Variants in CHN2 observed in about 807,000 individuals in gnomAD.
The protein encoded by CHN2 is chimerin 2.
In CHN2, 35 loss-of-function variants were observed where a neutral mutation model predicts 56.3. The observed-to-expected ratio is 0.62, with a 90% CI of 0.47 to 0.82. The LOEUF is 0.82. Ranked by LOEUF, CHN2 falls within the 40% of genes least tolerant of loss-of-function variation. The pLI, the probability that CHN2 is intolerant of heterozygous loss-of-function variation, is 0.00. For missense variants in CHN2, 491 were observed against 580.5 expected (o/e 0.85, Z 1.58); for synonymous variants, 210 against 212.8 (o/e 0.99, Z 0.12).
chr7:29,375,977 T>A (rs757429650), intron 3 of CHN2, among the ~76,000 whole-genome samples: 1 of 152,190 alleles, frequency 6.6e-6, no homozygotes, highest in Non-Finnish European at 1.5e-5. Flanking sequence ...CTGGTTAAAC[T>A]GTAACTGAGA....
At chr7:29,165,829 T>C (rs1176970801) in intron 2 of CHN2, among the ~76,000 whole-genome samples, 1 of 152,248 alleles carries the variant, frequency 6.6e-6, no homozygotes, top group Non-Finnish European at 1.5e-5. Flanking sequence ...TGTATTAATA[T>C]GGTGAATTAC....
intron 1 of CHN2, among the ~76,000 whole-genome samples, chr7:29,300,910 G>C (rs1240908320): frequency 6.6e-6 from 1 of 152,090 alleles, no homozygotes; most frequent in African/African-American, 2.4e-5. Context: ...GTTACCATGT[G>C]CAATATTTTT....
chr7:29,457,675 A>G (rs766281697), intron 6 of CHN2, among the ~76,000 whole-genome samples: 7 of 152,188 alleles, frequency 4.6e-5, no homozygotes, highest in Non-Finnish European at 8.8e-5. Context: ...TTAGCATTTA[A>G]ATGAGTATCA....
At chr7:29,361,655 A>AT (rs1450261141) in intron 2 of CHN2, among the ~76,000 whole-genome samples, 1 of 152,002 alleles carries the variant, frequency 6.6e-6, no homozygotes, top group African/African-American at 2.4e-5. Flanking sequence ...GAATTACCAA[A>AT]TTTTTCTTTG....
At chr7:29,303,152 C>G (rs1793836718) in intron 1 of CHN2, among the ~76,000 whole-genome samples, 1 of 152,184 alleles carries the variant, frequency 6.6e-6, no homozygotes, top group South Asian at 2.1e-4. Context: ...CATTCATCCC[C>G]CTAGTCATTG....
chr7:29,197,344 G>A (rs1783817781), intron 1 of CHN2, among the ~76,000 whole-genome samples: 1 of 152,112 alleles, frequency 6.6e-6, no homozygotes, highest in African/African-American at 2.4e-5. Context: ...TTTAATTCTG[G>A]CTTCATCACC....
chr7:29,253,570 A>G (rs769603952), intron 1 of CHN2, among the ~76,000 whole-genome samples: 7 of 152,228 alleles, frequency 4.6e-5, no homozygotes, highest in Admixed American at 3.3e-4. Flanking sequence ...AGCATCTGCT[A>G]TAAAAGGGAC....
intron 1 of CHN2, among the ~76,000 whole-genome samples, chr7:29,238,245 C>G (rs961539807): frequency 6.6e-6 from 1 of 152,026 alleles, no homozygotes; most frequent in Non-Finnish European, 1.5e-5. Flanking sequence ...GTCTTGATCT[C>G]CTGACCTCAG....
At chr7:29,401,058 G>A (rs556258453) in intron 6 of CHN2, 83 of 525,018 alleles carry the variant, frequency 1.6e-4, no homozygotes, top group African/African-American at 1.4e-3. Context: ...CACGAGGTCA[G>A]GAGATAGAGA....
At chr7:29,486,626 G>A (rs1788037765) in intron 7 of CHN2, among the ~76,000 whole-genome samples, 1 of 152,058 alleles carries the variant, frequency 6.6e-6, no homozygotes. Flanking sequence ...TAGGGGAAAT[G>A]GTTGCCCTAC....
At chr7:29,237,118 A>G (rs1787259268) in intron 1 of CHN2, among the ~76,000 whole-genome samples, 1 of 148,370 alleles carries the variant, frequency 6.7e-6, no homozygotes, top group South Asian at 2.1e-4. Flanking sequence ...CTGCCAACCA[A>G]TACCTAAGCT....
At chr7:29,400,391 CTG>C (rs1802104577) in intron 5 of CHN2, 150 bp from the exon 6 acceptor site, 6 of 707,092 alleles carry the variant, frequency 8.5e-6, no homozygotes, top group Admixed American at 5.6e-5. Context: ...CAAAGGGTCT[CTG>C]TGAGCGTTAG....
chr7:29,148,123 T>A (rs1793028128), intron 2 of CHN2, among the ~76,000 whole-genome samples: 1 of 152,178 alleles, frequency 6.6e-6, no homozygotes. Flanking sequence ...CATTAGCAGA[T>A]AACACTGCTG....
At chr7:29,214,544 C>A (rs140769122) in intron 1 of CHN2, among the ~76,000 whole-genome samples, 76 of 152,272 alleles carry the variant, frequency 5.0e-4, no homozygotes, top group African/African-American at 1.8e-3. Context: ...TATCCTCAGT[C>A]AATACTGTAA....
At chr7:29,444,936 G>A (rs73082405) in intron 6 of CHN2, among the ~76,000 whole-genome samples, 8,192 of 152,248 alleles carry the variant, frequency 0.054, 393 homozygotes, top group Non-Finnish European at 0.084. Context: ...ACTTTAGGAG[G>A]ATTACAAGAA....
intron 1 of CHN2, among the ~76,000 whole-genome samples, chr7:29,226,833 C>G (rs1443182797): frequency 6.6e-6 from 1 of 151,874 alleles, no homozygotes; most frequent in Non-Finnish European, 1.5e-5. Flanking sequence ...CTTTGTTTTC[C>G]CCTGAAATGA....
At chr7:29,440,371 G>T (rs565531563) in intron 6 of CHN2, among the ~76,000 whole-genome samples, 8 of 152,172 alleles carry the variant, frequency 5.3e-5, no homozygotes, top group Admixed American at 1.3e-4. Flanking sequence ...AATGCACAAT[G>T]GTTATCATCA....
chr7:29,484,330 T>C (rs1787710485), intron 7 of CHN2, among the ~76,000 whole-genome samples: 1 of 152,236 alleles, frequency 6.6e-6, no homozygotes, highest in African/African-American at 2.4e-5. Flanking sequence ...TCATAACAAA[T>C]GACCACAAAC....
rs1554303927 is a variant in CHN2 at position 29,496,040 on chromosome 7, G to A, written c.739+4G>A. 6.2e-7 allele frequency: 1 copy of A among 1,604,672 alleles called. No individual in the cohort carries two copies. Among genetic ancestry groups the A allele is most frequent in the Admixed American group, 1.8e-5 (1 of 57,136 alleles). ...GCCCAAGGGGTCCGGTGCTCAGGTAGACACAGAACTTTCTTCTTTTCCAAT... is the reference window on the plus strand; with the variant it reads ...GCCCAAGGGGTCCGGTGCTCAGGTAAACACAGAACTTTCTTCTTTTCCAAT... On this transcript the variant is annotated splice_donor_region_variant and intron_variant, in intron 8 of 12. Transcript: ENST00000222792.
Sources: gnomAD v4.1 joint callset for allele counts (sites outside exome capture counted in the v4.1 genomes callset) on GRCh38, gnomAD v4.1.1 for gene constraint, MANE v1.5 for transcripts, NCBI Gene and HGNC (gene_info 2026-07-23, HGNC 2026-07-21) for gene names.